The following CYTH1 variants were observed in gnomAD, a reference collection of about 807,000 sequenced individuals.
CYTH1 encodes cytohesin-1.
Under a neutral mutation model 61.8 loss-of-function variants are expected in CYTH1, and 18 were observed. The ratio of observed to expected loss-of-function variants is 0.29; its 90% confidence interval spans 0.20 to 0.43. The LOEUF (loss-of-function observed/expected upper bound fraction) is 0.43, where lower values mean the gene tolerates loss of function less well. CYTH1 is among the 20% of genes least tolerant of loss of function. The pLI is 1.00. For synonymous variants in CYTH1, 174 were observed against 184.3 expected, an observed-to-expected ratio of 0.94 and a Z score of 0.45; for missense variants, 336 against 510.5, an observed-to-expected ratio of 0.66 and a Z score of 3.29.
At chr17:78,689,598 C>T (rs2092855865) in intron 11 of CYTH1, among the ~76,000 whole-genome samples, 1 of 152,156 alleles carries the variant, frequency 6.6e-6, no homozygotes, top group African/African-American at 2.4e-5. Context: ...CGCTGTGTGG[C>T]CTGGCTCGTA....
intron 1 of CYTH1, among the ~76,000 whole-genome samples, chr17:78,764,040 G>A (rs753709822): frequency 3.3e-5 from 5 of 152,046 alleles, no homozygotes; most frequent in Non-Finnish European, 5.9e-5. Context: ...GAACCCGGGA[G>A]GCAGAGGTTG....
Position 78,681,097 on chromosome 17 carries a change from G to A in CYTH1, c.892-55C>T, listed in dbSNP as rs559955537. ...AGATCACAGTTTAAGGACACACACT[G>A]TCAGATTCCTCGCCGGTGACTCAGC... On this transcript the variant is annotated intron_variant, in intron 11 of 13. Transcript: ENST00000446868. The A allele has an allele frequency of 2.4e-5, 37 of 1,562,252 alleles. No homozygotes were observed. The African/African-American group carries it at 4.2e-4, about 18-fold the overall frequency.
intron 1 of CYTH1, among the ~76,000 whole-genome samples, chr17:78,761,082 C>T (rs2093426775): frequency 6.6e-6 from 1 of 152,104 alleles, no homozygotes; most frequent in Non-Finnish European, 1.5e-5. Flanking sequence ...GATCCACCCA[C>T]CTCGGCCTCC....
At chr17:78,744,678 G>C (rs764793322) in intron 1 of CYTH1, among the ~76,000 whole-genome samples, 32 of 152,182 alleles carry the variant, frequency 2.1e-4, no homozygotes, top group Non-Finnish European at 4.1e-4. Flanking sequence ...TATATGTAAT[G>C]TGTCAACAAG....
At chr17:78,760,697 CTT>C (rs1216433776) in intron 1 of CYTH1, among the ~76,000 whole-genome samples, 3 of 150,350 alleles carry the variant, frequency 2.0e-5, no homozygotes, top group African/African-American at 7.3e-5. Context: ...GAACTTAAGA[CTT>C]TTAAATAGAA....
chr17:78,695,951 G>A, intron 10 of CYTH1, 56 bp downstream of exon 10: 3 of 1,364,160 alleles, frequency 2.2e-6, no homozygotes, highest in Non-Finnish European at 2.0e-6. Context: ...ATCAGAAAAT[G>A]CTGCAGTAAT....
chr17:78,682,692 T>C (rs2092775884), intron 11 of CYTH1, among the ~76,000 whole-genome samples: 1 of 152,224 alleles, frequency 6.6e-6, no homozygotes, highest in Admixed American at 6.5e-5. Flanking sequence ...GTGACCCTCC[T>C]CCAAGACTGG....
chr17:78,694,938 G>A (rs149264522), intron 10 of CYTH1, among the ~76,000 whole-genome samples: 2,204 of 152,098 alleles, frequency 0.014, 27 homozygotes, highest in Non-Finnish European at 0.023. Flanking sequence ...ATCAATGTGC[G>A]CCTAGGACAG....
rs1555614199 is a variant in CYTH1, at chr17:78,753,529, A to ATAAATAAATAAGTAAG, written c.22+28672_22+28673insCTTACTTATTTATTTA. ...AATAAATAAATAAATAAATAAATAAATAAAGATAACAACAAAGAATCGGAG... is the reference window on the plus strand; with the variant it reads ...AATAAATAAATAAATAAATAAATAAATAAATAAATAAGTAAGTAAAGATAACAACAAAGAATCGGAG... On this transcript the variant is annotated intron_variant, in intron 1 of 13. Coordinates refer to ENST00000446868, the MANE Select transcript of CYTH1 (RefSeq NM_004762.6). 1.2e-3 allele frequency among the ~76,000 whole-genome samples: 178 copies of ATAAATAAATAAGTAAG among 151,958 alleles called. 1 individual carries two copies. The highest frequency in any genetic ancestry group is 4.0e-3 in the African/African-American group (167 of 41,422).
intron 1 of CYTH1, among the ~76,000 whole-genome samples, chr17:78,763,781 T>G (rs1465396952): frequency 6.6e-6 from 1 of 152,142 alleles, no homozygotes; most frequent in African/African-American, 2.4e-5. Context: ...TATGCTAGCC[T>G]CCTCTTAAAG....
At chr17:78,751,370 A>AT (rs1247621995) in intron 1 of CYTH1, among the ~76,000 whole-genome samples, 1 of 152,118 alleles carries the variant, frequency 6.6e-6, no homozygotes, top group East Asian at 1.9e-4. Context: ...TTTTCTCCAT[A>AT]AGGCACATCA....
rs149117511 is a variant in CYTH1 at position 78,686,011 on chromosome 17, T to C, written c.892-4969A>G. ...TGTAACAGTTTCCTGAAATACGGTG[T>C]CTTCTTTGATTTGCAGATTCAGGGC... is the stretch of plus-strand genomic sequence containing the variant. On this transcript the variant is annotated intron_variant, in intron 11 of 13. Coordinates refer to ENST00000446868, the MANE Select transcript of CYTH1 (RefSeq NM_004762.6). Among the ~76,000 whole-genome samples the C allele has an allele frequency of 1.1e-3, 171 of 152,302 alleles. 1 individual carries two copies. Among genetic ancestry groups the C allele is most frequent in the African/African-American group, 4.0e-3 (168 of 41,558 alleles).
intron 1 of CYTH1, among the ~76,000 whole-genome samples, chr17:78,719,443 C>T (rs1034586066): frequency 6.6e-6 from 1 of 152,050 alleles, no homozygotes; most frequent in African/African-American, 2.4e-5. Flanking sequence ...AAAAAACAGT[C>T]GAGGAGTCAA....
At chr17:78,685,493 CTA>C (rs2092807542) in intron 11 of CYTH1, among the ~76,000 whole-genome samples, 2 of 152,000 alleles carry the variant, frequency 1.3e-5, no homozygotes, top group Non-Finnish European at 2.9e-5. Flanking sequence ...GCTATTACTT[CTA>C]TATGAGTATA....
intron 1 of CYTH1, among the ~76,000 whole-genome samples, chr17:78,760,996 C>T (rs545784680): frequency 4.6e-5 from 7 of 152,148 alleles, no homozygotes; most frequent in African/African-American, 1.4e-4. Flanking sequence ...CCACCACACC[C>T]GGCTAATTTT....
chr17:78,689,986 A>G (rs2092862097), intron 11 of CYTH1, among the ~76,000 whole-genome samples: 1 of 151,902 alleles, frequency 6.6e-6, no homozygotes, highest in Non-Finnish European at 1.5e-5. Flanking sequence ...CCAGGGCTGC[A>G]GTGCACTGAA....
At chr17:78,754,716 T>C (rs1455219655) in intron 1 of CYTH1, among the ~76,000 whole-genome samples, 3 of 151,938 alleles carry the variant, frequency 2.0e-5, no homozygotes, top group Non-Finnish European at 2.9e-5. Context: ...TGAAGTTTTA[T>C]GTCACTTTTT....
At chr17:78,681,248 C>T (rs1027143875) in intron 11 of CYTH1, among the ~76,000 whole-genome samples, 3 of 152,110 alleles carry the variant, frequency 2.0e-5, no homozygotes, top group East Asian at 1.9e-4. Flanking sequence ...AAGTCCTCCG[C>T]GAGTAGAAAG....
intron 1 of CYTH1, among the ~76,000 whole-genome samples, chr17:78,778,676 A>C (rs78550738): frequency 0.012 from 1,865 of 151,438 alleles, 40 homozygotes; most frequent in African/African-American, 0.043. Flanking sequence ...GAAAAAGTTT[A>C]ATTAGGCCTG....
Sources: gnomAD v4.1 joint callset for allele counts (sites outside exome capture counted in the v4.1 genomes callset) on GRCh38, gnomAD v4.1.1 for gene constraint, MANE v1.5 for transcripts, NCBI Gene and HGNC (gene_info 2026-07-23, HGNC 2026-07-21) for gene names.